FOXN1: variants seen among roughly 807,000 people sequenced by gnomAD.
FOXN1 encodes the protein forkhead box N1.
Under a neutral mutation model 49.0 loss-of-function variants are expected in FOXN1, and 15 were observed. The observed-to-expected ratio is 0.31, with a 90% CI of 0.20 to 0.47. The LOEUF (loss-of-function observed/expected upper bound fraction) is 0.47. Among genes scored for constraint, FOXN1 ranks in the 20% least tolerant of loss-of-function variants. FOXN1 has a pLI of 1.00. For missense variants in FOXN1, 800 were observed against 842.8 expected (o/e 0.95, Z 0.63); for synonymous variants, 356 against 369.0 (o/e 0.96, Z 0.40).
At chr17:28,506,957 G>A (rs1229500113) in intron 1 of FOXN1, among the ~76,000 whole-genome samples, 1 of 152,198 alleles carries the variant, frequency 6.6e-6, no homozygotes, top group African/African-American at 2.4e-5. Context: ...TAGATGCCTG[G>A]GCCCATGCAG....
In FOXN1 at chr17:28,534,655, G is replaced by GACTGTGGA; in HGVS notation, c.1136-51_1136-44dup. On this transcript the variant is annotated intron_variant, in intron 7 of 8. Coordinates refer to ENST00000579795, the MANE Select transcript of FOXN1 (RefSeq NM_001369369.1). This position sits in a 1 kb window ranked among gnomAD's most constrained non-coding sequence, Gnocchi z 4.1. ...CGAGTAAGGGTTCCAGTCTGGGGAA[G>GACTGTGGA]ACTGTGGAGGAGGGAGGTCTCATGG... is the stretch of plus-strand genomic sequence containing the variant. 23 of 1,612,174 alleles carry GACTGTGGA rather than the reference G, an allele frequency of 1.4e-5. No individual in the cohort carries two copies. The highest frequency in any genetic ancestry group is 2.0e-5 in the Non-Finnish European group (23 of 1,179,414).
At chr17:28,509,911 G>A (rs2069353111) in intron 1 of FOXN1, among the ~76,000 whole-genome samples, 1 of 152,174 alleles carries the variant, frequency 6.6e-6, no homozygotes, top group East Asian at 1.9e-4. Flanking sequence ...CGCATCCCCG[G>A]GTCTCTACCC....
rs746671928 is a variant in FOXN1, at chr17:28,534,848, T to A, written c.1277T>A (p.Leu426His). 2 of 1,613,452 alleles carry A rather than the reference T, an allele frequency of 1.2e-6. No homozygotes were observed. Among genetic ancestry groups the A allele is most frequent in the Admixed American group, 1.7e-5 (1 of 59,990 alleles). ...PAGLSPPLHSLHPAPGPIPGK... is the reference protein window; with the variant it reads ...PAGLSPPLHSHHPAPGPIPGK... ...GGCCTCTCCCCACCACTGCACTCAC[T>A]CCACCCAGCTCCAGGCCCCATTCCT... The change falls in exon 8 of 9, where the codon CTC becomes CAC. Residue 426 changes from leucine to histidine, a missense_variant. Transcript: ENST00000579795. This position sits in a 1 kb window ranked among gnomAD's most constrained non-coding sequence, Gnocchi z 4.1.
At chr17:28,508,521 A>G (rs1328958461) in intron 1 of FOXN1, among the ~76,000 whole-genome samples, 1 of 152,086 alleles carries the variant, frequency 6.6e-6, no homozygotes, top group Non-Finnish European at 1.5e-5. Context: ...CACCTTCTCT[A>G]GCTAGGAAGT....
At position 28,534,899 on chromosome 17, in the gene FOXN1, T is replaced by C. The variant is rs2070017192; in HGVS notation, c.1328T>C (p.Leu443Pro). Residue 443 changes from leucine (L) to proline (P), a missense_variant, in exon 8 of 9, where the codon CTT becomes CCT. Leu to Pro is a moderately conservative substitution (Grantham distance 98). This residue lies in a region of FOXN1 where 344 missense variants were observed against 366.1 expected (regional missense o/e 0.94). Coordinates refer to ENST00000579795, the MANE Select transcript of FOXN1 (RefSeq NM_001369369.1). This position sits in a 1 kb window ranked among gnomAD's most constrained non-coding sequence, Gnocchi z 4.1. ...IPGKNPLQDLLMGHTPSCYGQ... is the reference protein window; with the variant it reads ...IPGKNPLQDLPMGHTPSCYGQ... The stretch of plus-strand genomic sequence containing the variant: ...GGCAAGAACCCCCTGCAGGACCTAC[T>C]TATGGGGCACACACCCTCCTGCTAT... 6.2e-7 allele frequency: 1 copy of C among 1,614,090 alleles called. No homozygotes were observed. The highest frequency in any genetic ancestry group is 8.5e-7 in the Non-Finnish European group (1 of 1,179,984).
intron 3 of FOXN1, among the ~76,000 whole-genome samples, chr17:28,525,736 T>A (rs1414847394): frequency 6.6e-6 from 1 of 152,028 alleles, no homozygotes; most frequent in African/African-American, 2.4e-5. Flanking sequence ...ACCTCTTGCT[T>A]TCAAACAGGC....
At chr17:28,533,192 C>CATT (rs1237261685) in intron 6 of FOXN1, among the ~76,000 whole-genome samples, 1 of 152,174 alleles carries the variant, frequency 6.6e-6, no homozygotes, top group Non-Finnish European at 1.5e-5. Context: ...GGCCGCCCCT[C>CATT]ATTAAGCAGA....
intron 4 of FOXN1, among the ~76,000 whole-genome samples, chr17:28,527,760 A>G (rs2069807270): frequency 6.6e-6 from 1 of 152,194 alleles, no homozygotes; most frequent in Non-Finnish European, 1.5e-5. Context: ...ATAGTCAGCC[A>G]CCATCTTGCT....
intron 6 of FOXN1, among the ~76,000 whole-genome samples, chr17:28,533,267 A>T (rs552172140): frequency 8.5e-5 from 13 of 152,292 alleles, no homozygotes; most frequent in Non-Finnish European, 1.2e-4. Context: ...GGCCAGAGCG[A>T]GTGCCCTACC....
At position 28,519,185 on chromosome 17, in the gene FOXN1, G is replaced by T. The variant is rs1203097071; in HGVS notation, c.-14-4771G>T. On this transcript the variant is annotated intron_variant, in intron 1 of 8. Transcript: ENST00000579795. ...ACAAGAGATACAAAAGTGCAGAGGG[G>T]CTGGGCGCGGTGGTGCACACCTGTA... Among the ~76,000 whole-genome samples, 3 of 152,142 alleles carry T rather than the reference G, an allele frequency of 2.0e-5. No individual in the cohort carries two copies. The East Asian group carries it at 5.8e-4, about 29-fold the overall frequency.
At position 28,528,019 on chromosome 17, in the gene FOXN1, G is replaced by A. The variant is rs114935365; in HGVS notation, c.699+658G>A. On this transcript the variant is annotated intron_variant, in intron 4 of 8. Transcript: ENST00000579795. ...CCAGGCAGCTCCCAGGAGTCACCAG[G>A]CAAGACAGAGCAAGTGGCTGCCCAG... Among the ~76,000 whole-genome samples, 676 of 152,318 alleles carry A rather than the reference G, an allele frequency of 4.4e-3. 5 individuals carry two copies. The highest frequency in any genetic ancestry group is 0.016 in the African/African-American group (646 of 41,562).
At chr17:28,522,484 T>C (rs1451398503) in intron 1 of FOXN1, among the ~76,000 whole-genome samples, 1 of 151,982 alleles carries the variant, frequency 6.6e-6, no homozygotes, top group Non-Finnish European at 1.5e-5. Flanking sequence ...CCTTCTCTAC[T>C]AAAAATACAA....
rs1461021917 is a variant in FOXN1 at position 28,538,351 on chromosome 17, A to T, written c.*915A>T. On this transcript the variant is annotated 3_prime_UTR_variant, in exon 9 of 9. Transcript: ENST00000579795. ...AGGTCCTGGCTTAACTCTACTTATGATGGTTCAACTTACACTTTTTCAACT... is the reference window on the plus strand; with the variant it reads ...AGGTCCTGGCTTAACTCTACTTATGTTGGTTCAACTTACACTTTTTCAACT... 1 of 152,204 alleles carries T rather than the reference A, an allele frequency of 6.6e-6. No homozygotes were observed. The highest frequency in any genetic ancestry group is 1.5e-5 in the Non-Finnish European group (1 of 68,034). The allele number at this position is 152,204 out of a possible 1,614,324, so 9.4% of individuals were successfully genotyped here. A position where few individuals can be genotyped will look rare whatever the true frequency, so the allele number is the denominator to read the frequency against.
At chr17:28,512,875 A>G (rs901138904) in intron 1 of FOXN1, among the ~76,000 whole-genome samples, 5 of 152,196 alleles carry the variant, frequency 3.3e-5, no homozygotes, top group Non-Finnish European at 7.3e-5. Flanking sequence ...GAGGATGCTT[A>G]GGTGGGAGGT....
chr17:28,537,033 A>C (rs2070083744), intron 8 of FOXN1, 84 bp from the exon 9 acceptor site: 1 of 1,024,634 alleles, frequency 9.8e-7, no homozygotes, highest in Non-Finnish European at 1.6e-6. Context: ...TCTCTGCAGC[A>C]TGTGAAGATT....
At chr17:28,516,730 C>G in intron 1 of FOXN1, among the ~76,000 whole-genome samples, 1 of 148,026 alleles carries the variant, frequency 6.8e-6, no homozygotes, top group South Asian at 2.2e-4. Context: ...ATCCACACCT[C>G]CACAGGGTAC....
At position 28,537,395 on chromosome 17, in the gene FOXN1, G is replaced by A; in HGVS notation, c.1906G>A (p.Val636Met). 1 of 1,613,214 alleles carries A rather than the reference G, an allele frequency of 6.2e-7. No homozygotes were observed. Among genetic ancestry groups the A allele is most frequent in the South Asian group, 1.1e-5 (1 of 91,066 alleles). Residue 636 changes from valine (V) to methionine (M), a missense_variant, in exon 9 of 9, where the codon GTG becomes ATG. Transcript: ENST00000579795. ...CCCCACGGCCCCTGCAGGCCCCTCT[G>A]TGTACCTCAGCCCCAGCTCCAAGCC... ...TPPTAPAGPS[V>M]YLSPSSKPVA...
rs115771646 is a variant in FOXN1 at position 28,534,996 on chromosome 17, G to A, written c.1425G>A (p.Pro475=). Residue 475 remains proline, a synonymous_variant, in exon 8 of 9, where the codon CCG becomes CCA. Coordinates refer to ENST00000579795, the MANE Select transcript of FOXN1 (RefSeq NM_001369369.1). The surrounding 1 kb of genome is among the most constrained non-coding windows in gnomAD (Gnocchi z 4.1). Reference sequence around the variant, plus strand: ...CCCCGCAGCCATTGTTCCCACAGCCGGACGGGCACCTTGAGCTGCGGGCCC... The same window carrying A: ...CCCCGCAGCCATTGTTCCCACAGCCAGACGGGCACCTTGAGCTGCGGGCCC... ...PGPPQPLFPQ[P]DGHLELRAQP... is the part of the protein sequence containing the mutation. The A allele has an allele frequency of 1.0e-3, 1,663 of 1,613,958 alleles. 19 individuals are homozygous for A. The African/African-American group carries it at 0.018, about 18-fold the overall frequency.
Position 28,537,660 on chromosome 17 carries a change from G to A in FOXN1, c.*224G>A. 1 of 615,696 alleles carries A rather than the reference G, an allele frequency of 1.6e-6. No homozygotes were observed. Among genetic ancestry groups the A allele is most frequent in the Non-Finnish European group, 2.9e-6 (1 of 340,990 alleles). 38.1% of individuals were successfully genotyped at this position (615,696 alleles called of 1,614,324 possible). A position where few individuals can be genotyped will look rare whatever the true frequency, so the allele number is the denominator to read the frequency against. On this transcript the variant is annotated 3_prime_UTR_variant, in exon 9 of 9. Coordinates refer to ENST00000579795, the MANE Select transcript of FOXN1 (RefSeq NM_001369369.1). Reference sequence around the variant, plus strand: ...CGTGGTGGCCCAGCTCCTCACCCAGGGCCCCCAAAGAGCAAGCGTCTGGGC... The same window carrying A: ...CGTGGTGGCCCAGCTCCTCACCCAGAGCCCCCAAAGAGCAAGCGTCTGGGC...
Sources: allele counts gnomAD v4.1 joint callset (sites outside exome capture counted in the v4.1 genomes callset), GRCh38; gene constraint gnomAD v4.1.1; regional missense constraint gnomAD v4.1.1; non-coding constraint Gnocchi (gnomAD v3.1); transcripts MANE v1.5; gene names NCBI Gene and HGNC (gene_info 2026-07-23, HGNC 2026-07-21).